FRAS1: variants seen among roughly 807,000 people sequenced by gnomAD.
FRAS1 encodes the protein Fraser extracellular matrix complex subunit 1, also known as extracellular matrix organizing protein FRAS1.
Under a neutral mutation model 435.2 loss-of-function variants are expected in FRAS1, and 290 were observed. That is an observed-to-expected ratio of 0.67 (90% CI 0.61 to 0.73). FRAS1 has a LOEUF of 0.73. Among genes scored for constraint, FRAS1 ranks in the 30% least tolerant of loss-of-function variants. The pLI, the probability that FRAS1 is intolerant of heterozygous loss-of-function variation, is 0.00. For missense variants in FRAS1, 4,860 were observed against 5,001.5 expected, an observed-to-expected ratio of 0.97 and a Z score of 0.85; for synonymous variants, 1,800 against 1,851.0, an observed-to-expected ratio of 0.97 and a Z score of 0.71.
At chr4:78,532,917 T>A (rs1721762849) in intron 70 of FRAS1, among the ~76,000 whole-genome samples, 1 of 152,230 alleles carries the variant, frequency 6.6e-6, no homozygotes, top group Non-Finnish European at 1.5e-5. Context: ...AAATCTTAAC[T>A]ATTGTGAATA....
rs1003330127 is a variant in FRAS1 at position 78,320,436 on chromosome 4, G to A, written c.2137+1450G>A. ...CTGGTGGGAGGAGAGGTGCTGGGGA[G>A]CAAGTGGCGGAAAAAAGCATTTTTC... On this transcript the variant is annotated intron_variant, in intron 18 of 73. Transcript: ENST00000512123. Among the ~76,000 whole-genome samples the A allele has an allele frequency of 6.6e-5, 10 of 152,236 alleles. 1 individual carries two copies. Among genetic ancestry groups the A allele is most frequent in the African/African-American group, 2.2e-4 (9 of 41,532 alleles).
chr4:78,279,937 A>T (rs536813226), intron 10 of FRAS1, among the ~76,000 whole-genome samples: 5 of 152,298 alleles, frequency 3.3e-5, no homozygotes, highest in Non-Finnish European at 7.4e-5. Flanking sequence ...ATTTCTGTTC[A>T]TGTTTTCCAC....
chr4:78,440,322 G>A (rs937879758), intron 40 of FRAS1, among the ~76,000 whole-genome samples: 7 of 152,078 alleles, frequency 4.6e-5, no homozygotes, highest in South Asian at 2.1e-4. Context: ...GTGAGCCACC[G>A]GGCCCGGCCA....
intron 20 of FRAS1, among the ~76,000 whole-genome samples, chr4:78,346,981 T>C (rs1367988670): frequency 6.6e-6 from 1 of 152,138 alleles, no homozygotes; most frequent in East Asian, 1.9e-4. Context: ...AAATCTTCAT[T>C]TCTATTTTCT....
intron 16 of FRAS1, 63 bp downstream of exon 16, chr4:78,315,797 G>C: frequency 6.4e-7 from 1 of 1,566,698 alleles, no homozygotes; most frequent in Middle Eastern, 1.7e-4. Flanking sequence ...ACTATACTTG[G>C]TGTTATATGT....
chr4:78,087,266 A>G (rs6840094), intron 2 of FRAS1, among the ~76,000 whole-genome samples: 121,540 of 150,976 alleles, frequency 0.81, 49,033 homozygotes, highest in East Asian at 0.95. Context: ...GTATTGATGG[A>G]GCGTATCTCA....
chr4:78,482,310 G>A, intron 57 of FRAS1, 78 bp from the exon 58 acceptor site: 1 of 1,517,448 alleles, frequency 6.6e-7, no homozygotes, highest in African/African-American at 1.4e-5. Flanking sequence ...CAGGCAAGTT[G>A]TGACCTTTGC....
At chr4:78,508,676 T>A in intron 62 of FRAS1, 55 bp from the exon 63 acceptor site, 1 of 1,595,308 alleles carries the variant, frequency 6.3e-7, no homozygotes, top group Non-Finnish European at 8.6e-7. Context: ...GGGGGCTTAG[T>A]TCTCTGACCT....
intron 15 of FRAS1, among the ~76,000 whole-genome samples, chr4:78,313,558 AG>A (rs1353087220): frequency 6.6e-6 from 1 of 152,156 alleles, no homozygotes; most frequent in Non-Finnish European, 1.5e-5. Flanking sequence ...GAAAAGATTG[AG>A]TCACAGACTT....
chr4:78,249,949 AT>A (rs958066011), intron 4 of FRAS1, among the ~76,000 whole-genome samples: 2 of 152,122 alleles, frequency 1.3e-5, no homozygotes, highest in African/African-American at 4.8e-5. Flanking sequence ...CAGTCTTCTA[AT>A]TTTTAATAAA....
intron 2 of FRAS1, among the ~76,000 whole-genome samples, chr4:78,105,330 G>A (rs988508075): frequency 6.6e-6 from 1 of 152,210 alleles, no homozygotes; most frequent in African/African-American, 2.4e-5. Flanking sequence ...GAGGGATGGA[G>A]TGGTTGACAG....
At chr4:78,059,140 C>T (rs1429003913) in intron 1 of FRAS1, among the ~76,000 whole-genome samples, 1 of 152,166 alleles carries the variant, frequency 6.6e-6, no homozygotes, top group African/African-American at 2.4e-5. Flanking sequence ...CAGGGCGGGC[C>T]GCCTTCTCCG....
In FRAS1 at chr4:78,430,327, C is replaced by T; in HGVS notation, c.4879C>T (p.Pro1627Ser). Reference protein sequence around the residue: ...QVVVRDAETAPKELFFELRRP... With the variant: ...QVVVRDAETASKELFFELRRP... ...GGTAGTAAGAGATGCTGAGACAGCGCCCAAAGAACTCTTCTTTGAGCTTCG... is the reference window on the plus strand; with the variant it reads ...GGTAGTAAGAGATGCTGAGACAGCGTCCAAAGAACTCTTCTTTGAGCTTCG... The change falls in exon 37 of 74, where the codon CCC (proline) becomes TCC (serine). Residue 1627 changes from proline to serine, a missense_variant. By Grantham distance (74) the Pro-to-Ser change is moderately conservative. Transcript: ENST00000512123. 1 of 1,613,928 alleles carries T rather than the reference C, an allele frequency of 6.2e-7. No individual in the cohort carries two copies.
chr4:78,164,098 A>C, intron 2 of FRAS1, among the ~76,000 whole-genome samples: 1 of 152,192 alleles, frequency 6.6e-6, no homozygotes, highest in African/African-American at 2.4e-5. Context: ...AGGCAGGTCA[A>C]GTCAGAGTCC....
At chr4:78,369,769 T>C in intron 22 of FRAS1, 69 bp from the exon 23 acceptor site, 2 of 1,435,596 alleles carry the variant, frequency 1.4e-6, no homozygotes, top group Non-Finnish European at 1.9e-6. Context: ...AACATCTGTC[T>C]AGGTTTGATC....
intron 2 of FRAS1, among the ~76,000 whole-genome samples, chr4:78,125,708 G>A (rs1560537291): frequency 6.6e-6 from 1 of 152,176 alleles, no homozygotes; most frequent in Non-Finnish European, 1.5e-5. Flanking sequence ...ACCAGTGGAA[G>A]CTGCAGAACA....
chr4:78,464,188 C>T (rs775833928), intron 48 of FRAS1, 43 bp downstream of exon 48: 19 of 1,578,868 alleles, frequency 1.2e-5, no homozygotes, highest in Middle Eastern at 1.7e-4. Flanking sequence ...GTATTGATTC[C>T]TCGCCATCTT....
At chr4:78,425,510 C>T (rs1231074243) in intron 35 of FRAS1, among the ~76,000 whole-genome samples, 11 of 152,182 alleles carry the variant, frequency 7.2e-5, no homozygotes, top group South Asian at 6.2e-4. Flanking sequence ...ACCATCCATG[C>T]GCACTGTTAC....
intron 2 of FRAS1, among the ~76,000 whole-genome samples, chr4:78,178,155 G>A (rs938367801): frequency 6.6e-6 from 1 of 151,916 alleles, no homozygotes; most frequent in Non-Finnish European, 1.5e-5. Context: ...GTCTTCTTGT[G>A]GCTGTTTTTC....
Sources: gnomAD v4.1 joint callset for allele counts (sites outside exome capture counted in the v4.1 genomes callset) on GRCh38, gnomAD v4.1.1 for gene constraint, MANE v1.5 for transcripts, NCBI Gene and HGNC (gene_info 2026-07-23, HGNC 2026-07-21) for gene names.